Variants in KIDINS220 observed in about 807,000 individuals in gnomAD.
KIDINS220 encodes the protein kinase D-interacting substrate of 220 kDa.
Under a neutral mutation model 157.6 loss-of-function variants are expected in KIDINS220, and 63 were observed. The observed-to-expected ratio is 0.40, with a 90% CI of 0.33 to 0.49. The LOEUF (loss-of-function observed/expected upper bound fraction) is 0.49. KIDINS220 is among the 20% of genes least tolerant of loss of function. The probability of loss-of-function intolerance (pLI) is 0.66; values close to 1 mark genes in which losing one functional copy is unlikely to be tolerated. For missense variants in KIDINS220, 1,772 were observed against 2,171.2 expected (o/e 0.82, Z 3.65); for synonymous variants, 732 against 783.6 (o/e 0.93, Z 1.10).
At chr2:8,794,791 A>G (rs1370644) in intron 11 of KIDINS220, among the ~76,000 whole-genome samples, 41,060 of 152,012 alleles carry the variant, frequency 0.27, 5,711 homozygotes, top group Middle Eastern at 0.35. Flanking sequence ...TCTCATCCAC[A>G]CTGATCTCCA....
chr2:8,732,804 C>T (rs1433817625), intron 29 of KIDINS220, among the ~76,000 whole-genome samples: 1 of 152,096 alleles, frequency 6.6e-6, no homozygotes, highest in Non-Finnish European at 1.5e-5. Flanking sequence ...TCGCTGCCGC[C>T]CGCTGTGCCT....
Position 8,729,594 on chromosome 2 carries a change from A to C in KIDINS220, c.*1126T>G. On this transcript the variant is annotated 3_prime_UTR_variant, in exon 30 of 30. Transcript: ENST00000256707. ...TCACAGCACTTATATAGATATATAT[A>C]TATATTTTACCCTTGCTTTGTTACA... The C allele has an allele frequency of 3.1e-6, 3 of 973,080 alleles. No individual in the cohort carries two copies. The highest frequency in any genetic ancestry group is 3.7e-6 in the Non-Finnish European group (3 of 818,702). 60.3% of individuals were successfully genotyped at this position (973,080 alleles called of 1,614,324 possible). A position where few individuals can be genotyped will look rare whatever the true frequency, so the allele number is the denominator to read the frequency against.
intron 3 of KIDINS220, among the ~76,000 whole-genome samples, chr2:8,818,366 A>G (rs1677393154): frequency 6.6e-6 from 1 of 152,130 alleles, no homozygotes; most frequent in Non-Finnish European, 1.5e-5. Context: ...GCATGTAATG[A>G]TATTATTTAT....
In KIDINS220 at chr2:8,734,758, G is replaced by A; in HGVS notation, c.3718-5C>T. 1 of 1,600,984 alleles carries A rather than the reference G, an allele frequency of 6.2e-7. No individual in the cohort carries two copies. Among genetic ancestry groups the A allele is most frequent in the Non-Finnish European group, 8.5e-7 (1 of 1,171,836 alleles). On this transcript the variant is annotated splice_region_variant and splice_polypyrimidine_tract_variant and intron_variant, in intron 27 of 29. Transcript: ENST00000256707. ...CACACGGCCATTTATGTTTGCCTGA[G>A]TAAAAATTAAAACAATTATGGGTAT...
At position 8,731,520 on chromosome 2, in the gene KIDINS220, C is replaced by T. The variant is rs750306429; in HGVS notation, c.4516G>A (p.Asp1506Asn). Residue 1506 changes from aspartate to asparagine, a missense_variant, in exon 30 of 30, where the codon GAT becomes AAT. Transcript: ENST00000256707. This position sits in a 1 kb window ranked among gnomAD's most constrained non-coding sequence, Gnocchi z 5.2. ...AGCCCACTTCCCTTAAGCTTCAAAT[C>T]TGTCTGGAAGAGGCTTGACCTTTCG... is the stretch of plus-strand genomic sequence containing the variant. ...SSERSSLFQTDLKLKGSGLRY... is the reference protein window; with the variant it reads ...SSERSSLFQTNLKLKGSGLRY... The T allele has an allele frequency of 1.2e-6, 2 of 1,614,222 alleles. No homozygotes were observed. Among genetic ancestry groups the T allele is most frequent in the East Asian group, 2.2e-5 (1 of 44,890 alleles).
downstream of KIDINS220, among the ~76,000 whole-genome samples, chr2:8,728,301 T>A (rs1663542778): frequency 6.6e-6 from 1 of 151,612 alleles, no homozygotes; most frequent in Non-Finnish European, 1.5e-5. Context: ...TCAGCCTGGA[T>A]GACAGAGTGA....
chr2:8,757,848 T>A, intron 22 of KIDINS220: 1 of 1,368,026 alleles, frequency 7.3e-7, no homozygotes, highest in Non-Finnish European at 1.0e-6. Context: ...GGACTTGGAA[T>A]TCTGTATGTT....
chr2:8,801,028 G>A (rs1034427448), intron 8 of KIDINS220, among the ~76,000 whole-genome samples: 3 of 152,126 alleles, frequency 2.0e-5, no homozygotes, highest in Non-Finnish European at 4.4e-5. Context: ...ACAGTTACAG[G>A]CCAGTAGTAC....
intron 20 of KIDINS220, among the ~76,000 whole-genome samples, chr2:8,778,255 G>C (rs1441413956): frequency 6.6e-6 from 1 of 152,192 alleles, no homozygotes; most frequent in East Asian, 1.9e-4. Flanking sequence ...TGGCCAACAG[G>C]AAGACAAAGC....
intron 6 of KIDINS220, 83 bp from the exon 7 acceptor site, chr2:8,806,452 A>C: frequency 1.2e-6 from 1 of 841,972 alleles, no homozygotes; most frequent in Non-Finnish European, 1.8e-6. Context: ...TTTAATAAAA[A>C]TCTTACTTTT....
chr2:8,779,198 G>T lies in KIDINS220; in HGVS notation c.2371-59C>A, dbSNP rs979236427. 6 of 1,568,484 alleles carry T rather than the reference G, an allele frequency of 3.8e-6. No individual in the cohort carries two copies. In the East Asian group the frequency reaches 1.1e-4, roughly 29 times the overall value. ...ATTTTAAATTGTCCAAAAGAATAAG[G>T]CATCTCTTCAAAATATGTGCTACCT... On this transcript the variant is annotated intron_variant, in intron 18 of 29. Coordinates refer to ENST00000256707, the MANE Select transcript of KIDINS220 (RefSeq NM_020738.4).
intron 1 of KIDINS220, among the ~76,000 whole-genome samples, chr2:8,833,151 T>A (rs1679898911): frequency 6.6e-6 from 1 of 152,206 alleles, no homozygotes; most frequent in Non-Finnish European, 1.5e-5. Context: ...AGCTTACTCC[T>A]TCTACCTAAC....
intron 26 of KIDINS220, among the ~76,000 whole-genome samples, chr2:8,744,426 A>C (rs1399258430): frequency 3.1e-5 from 3 of 95,814 alleles, no homozygotes; most frequent in Non-Finnish European, 6.1e-5. Context: ...ATATATATAT[A>C]TATATATATA....
At chr2:8,756,966 C>T (rs911100031) in intron 22 of KIDINS220, among the ~76,000 whole-genome samples, 23 of 152,148 alleles carry the variant, frequency 1.5e-4, no homozygotes, top group African/African-American at 5.1e-4. Flanking sequence ...TAAAGTTAAC[C>T]ACTAAAATGA....
In KIDINS220 at chr2:8,731,223, C is replaced by T. The variant is rs374139570; in HGVS notation, c.4813G>A (p.Asp1605Asn). 40 of 1,614,066 alleles carry T rather than the reference C, an allele frequency of 2.5e-5. No homozygotes were observed. The highest frequency in any genetic ancestry group is 3.2e-5 in the Non-Finnish European group (38 of 1,180,044). ...TTTGCCTTTTCAAGCTGGGAGTCAT[C>T]CGCCACTTCATTGTGCAGAGAGTGA... ...PNHSLHNEVA[D>N]DSQLEKANLI... The change falls in exon 30 of 30, where the codon GAT (aspartate) becomes AAT (asparagine). Residue 1605 changes from aspartate to asparagine, a missense_variant. By Grantham distance (23) the Asp-to-Asn change is conservative. Around this residue, in one of 3 missense-constraint regions of KIDINS220, gnomAD observed 793 missense variants for 885.5 expected, o/e 0.90. Coordinates refer to ENST00000256707, the MANE Select transcript of KIDINS220 (RefSeq NM_020738.4). The surrounding 1 kb of genome is among the most constrained non-coding windows in gnomAD (Gnocchi z 5.2).
chr2:8,786,668 G>T (rs1336352374), intron 15 of KIDINS220, among the ~76,000 whole-genome samples: 1 of 152,166 alleles, frequency 6.6e-6, no homozygotes, highest in African/African-American at 2.4e-5. Context: ...CACCCCAACA[G>T]ATCTCACGAC....
chr2:8,766,505 T>C (rs1156456705), intron 22 of KIDINS220, among the ~76,000 whole-genome samples: 1 of 152,230 alleles, frequency 6.6e-6, no homozygotes, highest in Non-Finnish European at 1.5e-5. Flanking sequence ...TTATATATGT[T>C]GTTTATTACC....
intron 29 of KIDINS220, 31 bp from the exon 30 acceptor site, chr2:8,732,013 A>T: frequency 6.6e-7 from 1 of 1,517,840 alleles, no homozygotes; most frequent in East Asian, 2.3e-5. Flanking sequence ...TAATTTAAAA[A>T]TTCAAATAAG....
chr2:8,771,253 C>T (rs939102996), intron 21 of KIDINS220, among the ~76,000 whole-genome samples: 1 of 152,204 alleles, frequency 6.6e-6, no homozygotes, highest in Non-Finnish European at 1.5e-5. Context: ...TCCAAATATG[C>T]CAGTCCATTC....
Sources: gnomAD v4.1 joint callset for allele counts (sites outside exome capture counted in the v4.1 genomes callset) on GRCh38, gnomAD v4.1.1 for gene constraint, gnomAD v4.1.1 regional missense constraint, Gnocchi (gnomAD v3.1) non-coding constraint, MANE v1.5 for transcripts, NCBI Gene and HGNC (gene_info 2026-07-23, HGNC 2026-07-21) for gene names.